The following IL23R variants were observed in gnomAD, a reference collection of about 807,000 sequenced individuals.
IL23R encodes interleukin 23 receptor.
Under a neutral mutation model 56.9 loss-of-function variants are expected in IL23R, and 34 were observed. The observed-to-expected ratio is 0.60, with a 90% CI of 0.45 to 0.80. IL23R has a LOEUF of 0.80. IL23R is among the 30% of genes least tolerant of loss of function. The probability of loss-of-function intolerance (pLI) is 0.00; values close to 1 mark genes in which losing one functional copy is unlikely to be tolerated. For synonymous variants in IL23R, 230 were observed against 249.2 expected (o/e 0.92, Z 0.73); for missense variants, 635 against 730.0 (o/e 0.87, Z 1.50).
At chr1:67,210,817 A>G (rs962817397) in intron 6 of IL23R, among the ~76,000 whole-genome samples, 4 of 152,090 alleles carry the variant, frequency 2.6e-5, no homozygotes, top group African/African-American at 4.8e-5. Context: ...TGAAATTACC[A>G]GTTTTCAGCG....
intron 7 of IL23R, among the ~76,000 whole-genome samples, chr1:67,227,257 A>G (rs1650678718): frequency 2.0e-5 from 3 of 152,240 alleles, no homozygotes; most frequent in African/African-American, 4.8e-5. Context: ...ATCTTTTTCA[A>G]TTCTGCATTG....
intron 7 of IL23R, among the ~76,000 whole-genome samples, chr1:67,221,229 G>A (rs1650228991): frequency 6.6e-6 from 1 of 152,000 alleles, no homozygotes; most frequent in South Asian, 2.1e-4. Flanking sequence ...TCTGAGGCAG[G>A]AAAATGGCTT....
chr1:67,240,365 A>G (rs1374883861), intron 9 of IL23R, 84 bp downstream of exon 9: 3 of 830,858 alleles, frequency 3.6e-6, no homozygotes, highest in Non-Finnish European at 2.0e-6. Flanking sequence ...GTTGTTTACT[A>G]GAAAAATCTG....
intron 4 of IL23R, among the ~76,000 whole-genome samples, chr1:67,199,356 C>T (rs1236301060): frequency 6.6e-6 from 1 of 152,118 alleles, no homozygotes; most frequent in Non-Finnish European, 1.5e-5. Context: ...GATCTCTCAC[C>T]CCATCCTGAC....
intron 9 of IL23R, among the ~76,000 whole-genome samples, chr1:67,242,326 C>G (rs2100336133): frequency 6.6e-6 from 1 of 152,252 alleles, no homozygotes; most frequent in South Asian, 2.1e-4. Context: ...TAACATTATC[C>G]ATGTATAAGG....
At position 67,258,665 on chromosome 1, in the gene IL23R, A is replaced by G. The variant is rs1272182280; in HGVS notation, c.1427A>G (p.Tyr476Cys). The change falls in exon 11 of 11, where the codon TAT (tyrosine) becomes TGT (cysteine). Residue 476 changes from tyrosine (Y) to cysteine (C), a missense_variant. Transcript: ENST00000347310. ...NSLFDNTTVV[Y>C]IPDLNTGYKP... ...CTATTCGACAATACTACAGTTGTAT[A>G]TATTCCTGATCTCAACACTGGATAT... 5 of 1,614,000 alleles carry G rather than the reference A, an allele frequency of 3.1e-6. No individual in the cohort carries two copies. The highest frequency in any genetic ancestry group is 1.1e-5 in the South Asian group (1 of 91,064).
chr1:67,200,644 C>CA, intron 4 of IL23R, 93 bp from the exon 5 acceptor site: 2 of 1,351,222 alleles, frequency 1.5e-6, no homozygotes, highest in Admixed American at 1.8e-5. Context: ...CTTGGTCTCC[C>CA]AAAATGCTAG....
chr1:67,189,315 T>C (rs1480254825), intron 4 of IL23R, among the ~76,000 whole-genome samples: 1 of 152,134 alleles, frequency 6.6e-6, no homozygotes, highest in Non-Finnish European at 1.5e-5. Flanking sequence ...GAAATAGACA[T>C]TTCCTGAATC....
chr1:67,157,019 T>A lies in IL23R; in HGVS notation c.-633-11073T>A, dbSNP rs1330925955. ...GTAGTACCCCGGGTAGGTAGCACAGTCCCTTACCGCTTCACTTGGCTGGAG... is the reference window on the plus strand; with the variant it reads ...GTAGTACCCCGGGTAGGTAGCACAGACCCTTACCGCTTCACTTGGCTGGAG... On this transcript the variant is annotated intron_variant, in intron 1 of 10. Transcript: ENST00000637002. Among the ~76,000 whole-genome samples the A allele has an allele frequency of 3.3e-5, 5 of 152,054 alleles. No homozygotes were observed. The East Asian group carries it at 9.7e-4, about 29-fold the overall frequency.
chr1:67,240,418 T>C (rs1033339745), intron 9 of IL23R, 137 bp downstream of exon 9: 5 of 681,904 alleles, frequency 7.3e-6, no homozygotes, highest in Non-Finnish European at 1.3e-5. Flanking sequence ...AAGAACAATG[T>C]TTAATAAGTA....
At position 67,181,778 on chromosome 1, in the gene IL23R, T is replaced by A. The variant is rs188476709; in HGVS notation, c.368-1058T>A. On this transcript the variant is annotated intron_variant, in intron 3 of 10. Transcript: ENST00000347310. The stretch of plus-strand genomic sequence containing the variant: ...TCTTTGTGGTTTTATCTATCTTTGG[T>A]CTTTGATGATGGTGATGTACAGATG... 1.5e-3 allele frequency among the ~76,000 whole-genome samples: 229 copies of A among 152,306 alleles called. 3 individuals are homozygous for A. The highest frequency in any genetic ancestry group is 4.1e-4 in the South Asian group (2 of 4,828).
intron 7 of IL23R, among the ~76,000 whole-genome samples, chr1:67,222,363 C>T (rs925100656): frequency 7.2e-5 from 11 of 152,164 alleles, no homozygotes; most frequent in Admixed American, 1.3e-4. Context: ...GTGATCCGCC[C>T]GCTTTGGCCT....
chr1:67,218,503 T>G (rs1650022942), intron 6 of IL23R, among the ~76,000 whole-genome samples: 1 of 152,034 alleles, frequency 6.6e-6, no homozygotes, highest in Non-Finnish European at 1.5e-5. Flanking sequence ...TCAGGAAGAA[T>G]TATTGATCTA....
intron 4 of IL23R, among the ~76,000 whole-genome samples, chr1:67,188,961 T>C (rs1331407133): frequency 6.6e-6 from 1 of 152,138 alleles, no homozygotes; most frequent in Non-Finnish European, 1.5e-5. Flanking sequence ...TATAATATTA[T>C]GGCCTAAGGG....
At chr1:67,165,926 T>TAC (rs1646869359), upstream of IL23R, among the ~76,000 whole-genome samples, 1 of 152,226 alleles carries the variant, frequency 6.6e-6, no homozygotes, top group Non-Finnish European at 1.5e-5. Context: ...TACTGAATTA[T>TAC]ACAGCATACT....
chr1:67,260,226 T>A (rs1034805531), downstream of IL23R, among the ~76,000 whole-genome samples: 2 of 152,112 alleles, frequency 1.3e-5, no homozygotes, highest in African/African-American at 4.8e-5. Flanking sequence ...ATGTGTGGAA[T>A]CATGGGTTGC....
At chr1:67,148,517 G>A (rs1646702019) in intron 1 of IL23R, among the ~76,000 whole-genome samples, 1 of 152,224 alleles carries the variant, frequency 6.6e-6, no homozygotes, top group African/African-American at 2.4e-5. Context: ...TGATGGGTCA[G>A]GTGTGAGCTG....
chr1:67,182,744 G>A (rs1647168253), intron 3 of IL23R, 92 bp from the exon 4 acceptor site: 2 of 1,347,932 alleles, frequency 1.5e-6, no homozygotes, highest in Non-Finnish European at 2.1e-6. Context: ...GGGAGCTGTA[G>A]ACTGGAGCTG....
chr1:67,168,772 TA>T (rs1039424075), intron 2 of IL23R, among the ~76,000 whole-genome samples: 13 of 152,208 alleles, frequency 8.5e-5, no homozygotes, highest in African/African-American at 3.1e-4. Flanking sequence ...TTCTCTACTT[TA>T]AAGTAGGAGA....
Sources: gnomAD v4.1 joint callset for allele counts (sites outside exome capture counted in the v4.1 genomes callset) on GRCh38, gnomAD v4.1.1 for gene constraint, MANE v1.5 for transcripts, NCBI Gene and HGNC (gene_info 2026-07-23, HGNC 2026-07-21) for gene names.